Variants in ST6GALNAC5 observed in about 807,000 individuals in gnomAD.
ST6GALNAC5 encodes the protein ST6 N-acetylgalactosaminide alpha-2,6-sialyltransferase 5.
ST6GALNAC5 carries 27 observed loss-of-function variants against 33.6 expected under a neutral mutation model. The observed-to-expected ratio is 0.80, with a 90% CI of 0.59 to 1.11. The LOEUF is 1.11. ST6GALNAC5 is among the 50% of genes least tolerant of loss of function. The probability of loss-of-function intolerance (pLI) is 0.00; values close to 1 mark genes in which losing one functional copy is unlikely to be tolerated. For synonymous variants in ST6GALNAC5, 194 were observed against 171.2 expected (o/e 1.13, Z -1.04); for missense variants, 428 against 454.0 (o/e 0.94, Z 0.52).
At position 76,868,488 on chromosome 1, in the gene ST6GALNAC5, C is replaced by T. The variant is rs1324733761; in HGVS notation, c.16-9C>T. 1.3e-6 allele frequency: 2 copies of T among 1,598,074 alleles called. No homozygotes were observed. The highest frequency in any genetic ancestry group is 1.7e-6 in the Non-Finnish European group (2 of 1,169,952). On this transcript the variant is annotated splice_polypyrimidine_tract_variant and intron_variant, in intron 1 of 4. Coordinates refer to ENST00000477717, the MANE Select transcript of ST6GALNAC5 (RefSeq NM_030965.3). This position sits in a 1 kb window ranked among gnomAD's most constrained non-coding sequence, Gnocchi z 4.3. The stretch of plus-strand genomic sequence containing the variant: ...CCGCTCTCCTCTTCTCTCTCCCGCC[C>T]GCCCGCAGCGCCATGGTCTGGCAGT...
chr1:76,944,821 T>C (rs190463860), intron 2 of ST6GALNAC5, among the ~76,000 whole-genome samples: 260 of 152,206 alleles, frequency 1.7e-3, no homozygotes, highest in Admixed American at 4.0e-3. Context: ...TTTTCTTCCC[T>C]AGCATTTGTT....
intron 2 of ST6GALNAC5, among the ~76,000 whole-genome samples, chr1:77,041,026 C>T (rs751934017): frequency 1.3e-5 from 2 of 152,228 alleles, no homozygotes; most frequent in Non-Finnish European, 2.9e-5. Context: ...GTCTCTACTT[C>T]CTCAATCCGA....
chr1:76,958,989 C>T (rs766092117), intron 2 of ST6GALNAC5, among the ~76,000 whole-genome samples: 1 of 152,170 alleles, frequency 6.6e-6, no homozygotes, highest in Non-Finnish European at 1.5e-5. Flanking sequence ...TGCTAGGCCT[C>T]ACTGCCTCCT....
At chr1:76,956,603 G>A (rs1300493137) in intron 2 of ST6GALNAC5, among the ~76,000 whole-genome samples, 1 of 152,054 alleles carries the variant, frequency 6.6e-6, no homozygotes, top group Non-Finnish European at 1.5e-5. Context: ...TATTTACTTT[G>A]TTCCTATTTT....
chr1:76,902,348 A>T (rs1324952514), intron 2 of ST6GALNAC5, among the ~76,000 whole-genome samples: 2 of 152,146 alleles, frequency 1.3e-5, no homozygotes, highest in Non-Finnish European at 2.9e-5. Context: ...ACTATAAAAC[A>T]TTACTGAAAT....
At chr1:76,909,838 A>T (rs1646894504) in intron 2 of ST6GALNAC5, among the ~76,000 whole-genome samples, 1 of 152,128 alleles carries the variant, frequency 6.6e-6, no homozygotes, top group Non-Finnish European at 1.5e-5. Context: ...AAGGACAAGA[A>T]AATCATAGCA....
intron 4 of ST6GALNAC5, among the ~76,000 whole-genome samples, chr1:77,050,652 G>A (rs1489661716): frequency 2.0e-5 from 3 of 152,166 alleles, no homozygotes; most frequent in Non-Finnish European, 2.9e-5. Context: ...TAATATTAAC[G>A]ATGAACAAGC....
chr1:77,044,387 A>C lies in ST6GALNAC5; in HGVS notation c.445A>C (p.Ile149Leu), dbSNP rs1163740828. The change falls in exon 3 of 5, where the codon ATC becomes CTC. Residue 149 changes from isoleucine to leucine, a missense_variant. Transcript: ENST00000477717. ...CCTGAGGGTCATCGCGCATTCCAGC[A>C]TCCAGAGGATCCTCCGCAACCGCCA... ...TSLRVIAHSS[I>L]QRILRNRHDL... 2 of 1,613,696 alleles carry C rather than the reference A, an allele frequency of 1.2e-6. No homozygotes were observed. The highest frequency in any genetic ancestry group is 4.5e-5 in the East Asian group (2 of 44,850).
At position 77,063,416 on chromosome 1, in the gene ST6GALNAC5, T is replaced by A; in HGVS notation, c.*210T>A. The A allele has an allele frequency of 1.7e-6, 1 of 571,740 alleles. No individual in the cohort carries two copies. The highest frequency in any genetic ancestry group is 2.9e-5 in the East Asian group (1 of 34,242). 35.4% of individuals were successfully genotyped at this position (571,740 alleles called of 1,614,324 possible). A position where few individuals can be genotyped will look rare whatever the true frequency, so the allele number is the denominator to read the frequency against. On this transcript the variant is annotated 3_prime_UTR_variant, in exon 5 of 5. Coordinates refer to ENST00000477717, the MANE Select transcript of ST6GALNAC5 (RefSeq NM_030965.3). ...AATTAATGCATCCTAATGAATGTTG[T>A]CCCCTTCAATGGTGTTACCTTAGGA...
intron 2 of ST6GALNAC5, among the ~76,000 whole-genome samples, chr1:76,884,930 C>A (rs940619863): frequency 1.3e-5 from 2 of 152,066 alleles, no homozygotes; most frequent in East Asian, 3.9e-4. Context: ...ACTATGGTGT[C>A]CCTCTATGAT....
At chr1:77,009,233 G>A (rs1267412262) in intron 2 of ST6GALNAC5, among the ~76,000 whole-genome samples, 3 of 152,172 alleles carry the variant, frequency 2.0e-5, no homozygotes, top group Non-Finnish European at 2.9e-5. Flanking sequence ...CTACCAAGCT[G>A]TAAATTGATT....
At chr1:77,022,432 G>A (rs1165125240) in intron 2 of ST6GALNAC5, among the ~76,000 whole-genome samples, 1 of 152,150 alleles carries the variant, frequency 6.6e-6, no homozygotes, top group African/African-American at 2.4e-5. Flanking sequence ...TGCAGTATTT[G>A]CTTACAACAA....
chr1:76,974,611 A>AT (rs1345091745), intron 2 of ST6GALNAC5, among the ~76,000 whole-genome samples: 2 of 151,696 alleles, frequency 1.3e-5, no homozygotes, highest in Non-Finnish European at 2.9e-5. Context: ...TGTTGCTGTC[A>AT]TAAGTGTGGG....
At chr1:76,905,463 A>G (rs1478209304) in intron 2 of ST6GALNAC5, among the ~76,000 whole-genome samples, 3 of 152,214 alleles carry the variant, frequency 2.0e-5, no homozygotes, top group Admixed American at 6.5e-5. Context: ...GAAGGTATAG[A>G]CAGGTGCAAA....
At chr1:76,928,174 A>G (rs1427550770) in intron 2 of ST6GALNAC5, among the ~76,000 whole-genome samples, 2 of 152,128 alleles carry the variant, frequency 1.3e-5, no homozygotes, top group South Asian at 4.1e-4. Flanking sequence ...ACATTTTACT[A>G]CCACCTCTAT....
chr1:77,009,791 C>T (rs1311824802), intron 2 of ST6GALNAC5, among the ~76,000 whole-genome samples: 4 of 152,286 alleles, frequency 2.6e-5, no homozygotes, highest in African/African-American at 4.8e-5. Context: ...AGCTTTCTTA[C>T]CAGTCTTAGA....
intron 2 of ST6GALNAC5, among the ~76,000 whole-genome samples, chr1:76,941,012 G>A (rs571272086): frequency 2.8e-4 from 42 of 151,954 alleles, no homozygotes; most frequent in African/African-American, 1.0e-3. Context: ...GTAAATTGGG[G>A]GTAAAATTGA....
At chr1:76,894,939 T>G (rs543409656) in intron 2 of ST6GALNAC5, among the ~76,000 whole-genome samples, 1 of 152,028 alleles carries the variant, frequency 6.6e-6, no homozygotes, top group South Asian at 2.1e-4. Flanking sequence ...ATGGGGCCAT[T>G]TTATAGGATT....
chr1:77,025,475 A>T (rs1387261660), intron 2 of ST6GALNAC5, among the ~76,000 whole-genome samples: 1 of 151,428 alleles, frequency 6.6e-6, no homozygotes, highest in Non-Finnish European at 1.5e-5. Context: ...AGCCGAGATC[A>T]CACCATTGAA....
Sources: allele counts gnomAD v4.1 joint callset (sites outside exome capture counted in the v4.1 genomes callset), GRCh38; gene constraint gnomAD v4.1.1; non-coding constraint Gnocchi (gnomAD v3.1); transcripts MANE v1.5; gene names NCBI Gene and HGNC (gene_info 2026-07-23, HGNC 2026-07-21).